The following C8orf34 variants were observed in gnomAD, a reference collection of about 807,000 sequenced individuals.
C8orf34 encodes the protein uncharacterized protein C8orf34.
A neutral mutation model predicts 68.3 loss-of-function variants in C8orf34; 65 were observed. The observed-to-expected ratio is 0.95, with a 90% CI of 0.78 to 1.17. The LOEUF is 1.17. Among genes scored for constraint, C8orf34 ranks in the 50% most tolerant of loss-of-function variants. The probability of loss-of-function intolerance (pLI) is 0.00; values close to 1 mark genes in which losing one functional copy is unlikely to be tolerated. For missense variants in C8orf34, 664 were observed against 655.4 expected, an observed-to-expected ratio of 1.01 and a Z score of -0.14; for synonymous variants, 244 against 241.2, an observed-to-expected ratio of 1.01 and a Z score of -0.11.
intron 7 of C8orf34, among the ~76,000 whole-genome samples, chr8:68,610,526 T>G (rs2130557198): frequency 6.6e-6 from 1 of 152,284 alleles, no homozygotes; most frequent in South Asian, 2.1e-4. Flanking sequence ...ATATTTGAAC[T>G]TAGATAATTA....
intron 5 of C8orf34, among the ~76,000 whole-genome samples, chr8:68,513,108 G>A (rs1261468164): frequency 6.6e-6 from 1 of 152,140 alleles, no homozygotes; most frequent in Non-Finnish European, 1.5e-5. Context: ...GCATATTTTA[G>A]TTCACCTACG....
At chr8:68,426,473 C>T (rs1810220687) in intron 1 of C8orf34, among the ~76,000 whole-genome samples, 1 of 126,236 alleles carries the variant, frequency 7.9e-6, no homozygotes. Flanking sequence ...GAGCGGAGAT[C>T]TTGCTGCTGC....
intron 10 of C8orf34, among the ~76,000 whole-genome samples, chr8:68,734,383 A>G (rs889368577): frequency 6.6e-6 from 1 of 152,132 alleles, no homozygotes; most frequent in African/African-American, 2.4e-5. Flanking sequence ...TGACACCTGT[A>G]TGTTCCTGTG....
At chr8:68,418,556 G>T (rs1192285099) in intron 1 of C8orf34, among the ~76,000 whole-genome samples, 1 of 152,180 alleles carries the variant, frequency 6.6e-6, no homozygotes, top group Non-Finnish European at 1.5e-5. Flanking sequence ...AGATAATCAT[G>T]TGGTTTTTGT....
intron 1 of C8orf34, among the ~76,000 whole-genome samples, chr8:68,365,088 C>G (rs1390161840): frequency 2.0e-5 from 3 of 148,766 alleles, no homozygotes; most frequent in Non-Finnish European, 4.5e-5. Flanking sequence ...CACAGAAATA[C>G]AAACTACCAT....
Position 68,721,402 on chromosome 8 carries a change from G to A in C8orf34, c.1369G>A (p.Asp457Asn). 6.2e-7 allele frequency: 1 copy of A among 1,609,668 alleles called. No homozygotes were observed. The highest frequency in any genetic ancestry group is 8.5e-7 in the Non-Finnish European group (1 of 1,177,198). The stretch of plus-strand genomic sequence containing the variant: ...TGAAGAAGCACTAATGGAGGAGGGT[G>A]ACGAATTTGAGAAAGCATCTAAACT... ...GTEEALMEEG[D>N]EFEKASKLTG... Residue 457 changes from aspartate (D) to asparagine (N), a missense_variant, in exon 10 of 14, where the codon GAC becomes AAC. By Grantham distance (23) the Asp-to-Asn change is conservative (BLOSUM62 1). Coordinates refer to ENST00000518698, the MANE Select transcript of C8orf34 (RefSeq NM_052958.4).
At chr8:68,677,204 A>G (rs753078200) in intron 8 of C8orf34, among the ~76,000 whole-genome samples, 1 of 152,222 alleles carries the variant, frequency 6.6e-6, no homozygotes, top group Non-Finnish European at 1.5e-5. Flanking sequence ...AATTAAGAAG[A>G]AAATTGAAAA....
intron 7 of C8orf34, among the ~76,000 whole-genome samples, chr8:68,604,303 GT>G (rs11313390): frequency 0.27 from 40,455 of 148,736 alleles, 7,515 homozygotes; most frequent in African/African-American, 0.54. Context: ...ACATTGAGTT[GT>G]TTTTTTTTTA....
At chr8:68,674,693 A>T (rs1820124549) in intron 8 of C8orf34, among the ~76,000 whole-genome samples, 1 of 150,970 alleles carries the variant, frequency 6.6e-6, no homozygotes, top group South Asian at 2.1e-4. Context: ...TATTGAACTT[A>T]AAGAGGAGGT....
chr8:68,555,331 G>A (rs1410573420), intron 7 of C8orf34, among the ~76,000 whole-genome samples: 2 of 152,112 alleles, frequency 1.3e-5, no homozygotes, highest in South Asian at 2.1e-4. Context: ...AATATATGTA[G>A]AATAGTGCTT....
At chr8:68,678,529 T>C (rs1820263305) in intron 8 of C8orf34, among the ~76,000 whole-genome samples, 1 of 152,152 alleles carries the variant, frequency 6.6e-6, no homozygotes, top group Non-Finnish European at 1.5e-5. Context: ...TTTGATAAAA[T>C]TCAACATCTT....
chr8:68,803,437 T>C (rs535907417), intron 12 of C8orf34, among the ~76,000 whole-genome samples: 1 of 152,172 alleles, frequency 6.6e-6, no homozygotes, highest in South Asian at 2.1e-4. Context: ...TTGATAAATA[T>C]TGACATCTAA....
At chr8:68,664,007 G>C (rs1819763916) in intron 8 of C8orf34, among the ~76,000 whole-genome samples, 1 of 152,142 alleles carries the variant, frequency 6.6e-6, no homozygotes, top group Non-Finnish European at 1.5e-5. Flanking sequence ...CACCGGAAGG[G>C]GAAAAAGGAG....
At chr8:68,477,142 A>ATC (rs1172266060) in intron 4 of C8orf34, among the ~76,000 whole-genome samples, 1 of 152,230 alleles carries the variant, frequency 6.6e-6, no homozygotes, top group Non-Finnish European at 1.5e-5. Flanking sequence ...GTCTATTTTG[A>ATC]TCTCTCAGAT....
intron 9 of C8orf34, among the ~76,000 whole-genome samples, chr8:68,715,568 A>G (rs1416111474): frequency 6.6e-6 from 1 of 151,982 alleles, no homozygotes; most frequent in African/African-American, 2.4e-5. Flanking sequence ...AGAAACCACA[A>G]TGTGATACCA....
intron 1 of C8orf34, among the ~76,000 whole-genome samples, chr8:68,340,535 A>G (rs1305128525): frequency 6.6e-6 from 1 of 152,222 alleles, no homozygotes; most frequent in Admixed American, 6.5e-5. Flanking sequence ...AAAGAATAAT[A>G]AGGAAATACT....
intron 1 of C8orf34, among the ~76,000 whole-genome samples, chr8:68,389,373 A>G (rs1266837169): frequency 1.3e-5 from 2 of 152,154 alleles, no homozygotes; most frequent in South Asian, 2.1e-4. Flanking sequence ...CATCATATAT[A>G]TAAGTGCTAT....
chr8:68,689,168 C>T (rs2130901004), intron 8 of C8orf34, among the ~76,000 whole-genome samples: 1 of 151,926 alleles, frequency 6.6e-6, no homozygotes, highest in African/African-American at 2.4e-5. Context: ...CTCAATGTTC[C>T]CAATGTATGT....
chr8:68,460,577 T>C (rs570587423), intron 3 of C8orf34, among the ~76,000 whole-genome samples: 1 of 152,192 alleles, frequency 6.6e-6, no homozygotes, highest in South Asian at 2.1e-4. Context: ...CATGGCCAGG[T>C]ACCCCTCTGA....
Sources: gnomAD v4.1 joint callset for allele counts (sites outside exome capture counted in the v4.1 genomes callset) on GRCh38, gnomAD v4.1.1 for gene constraint, MANE v1.5 for transcripts, NCBI Gene and HGNC (gene_info 2026-07-23, HGNC 2026-07-21) for gene names.